LRBA: variants seen among roughly 807,000 people sequenced by gnomAD.
LRBA encodes the protein LPS responsive beige-like anchor protein.
A neutral mutation model predicts 330.0 loss-of-function variants in LRBA; 176 were observed. That is an observed-to-expected ratio of 0.53 (90% CI 0.47 to 0.60). LRBA has a LOEUF of 0.60. Ranked by LOEUF, LRBA falls within the 20% of genes least tolerant of loss-of-function variation. LRBA has a pLI of 0.00. For synonymous variants in LRBA, 1,230 were observed against 1,193.0 expected, an observed-to-expected ratio of 1.03 and a Z score of -0.64; for missense variants, 3,259 against 3,444.8, an observed-to-expected ratio of 0.95 and a Z score of 1.35.
intron 48 of LRBA, among the ~76,000 whole-genome samples, chr4:150,335,490 T>TATATATACGTATATATAC (rs1211916269): frequency 2.7e-5 from 2 of 75,298 alleles, no homozygotes; most frequent in Admixed American, 1.2e-4. Flanking sequence ...TATATGTGTG[T>TATATATACGTATATATAC]GTATATATAT....
chr4:150,501,010 T>C (rs559055977), intron 40 of LRBA, among the ~76,000 whole-genome samples: 15 of 152,310 alleles, frequency 9.8e-5, no homozygotes, highest in East Asian at 1.9e-4. Flanking sequence ...ACTTCCATAA[T>C]AGAGCATGGA....
chr4:150,950,527 A>C (rs543468557), intron 2 of LRBA, among the ~76,000 whole-genome samples: 2 of 152,130 alleles, frequency 1.3e-5, no homozygotes, highest in East Asian at 3.9e-4. Context: ...AGAACACCAA[A>C]ATTTAGGGTA....
At chr4:150,434,017 T>C (rs960058791) in intron 46 of LRBA, among the ~76,000 whole-genome samples, 1 of 152,174 alleles carries the variant, frequency 6.6e-6, no homozygotes, top group South Asian at 2.1e-4. Context: ...GTATCATACC[T>C]AAAAGCAAGA....
intron 37 of LRBA, among the ~76,000 whole-genome samples, chr4:150,655,150 CT>C (rs1468623380): frequency 1.3e-5 from 2 of 152,230 alleles, no homozygotes; most frequent in East Asian, 3.9e-4. Flanking sequence ...GTCAGTTAAA[CT>C]AGTAAAGTCA....
At chr4:150,932,949 T>C (rs184264396) in intron 2 of LRBA, among the ~76,000 whole-genome samples, 2 of 152,028 alleles carry the variant, frequency 1.3e-5, no homozygotes, top group Admixed American at 1.3e-4. Flanking sequence ...AAAATAGCAA[T>C]TTGGTAATAT....
At chr4:150,837,475 A>G (rs1202133089) in intron 28 of LRBA, among the ~76,000 whole-genome samples, 1 of 151,318 alleles carries the variant, frequency 6.6e-6, no homozygotes, top group Non-Finnish European at 1.5e-5. Flanking sequence ...GAACCTGGGT[A>G]CTCCTGTATT....
chr4:150,887,578 C>A (rs1264103080), intron 17 of LRBA, among the ~76,000 whole-genome samples: 2 of 151,898 alleles, frequency 1.3e-5, no homozygotes, highest in African/African-American at 2.4e-5. Context: ...ACCATCCTGG[C>A]TAATACGGTG....
intron 44 of LRBA, among the ~76,000 whole-genome samples, chr4:150,460,830 T>C (rs1446663795): frequency 2.6e-5 from 4 of 151,874 alleles, no homozygotes; most frequent in Non-Finnish European, 5.9e-5. Context: ...TGAGTTGTAA[T>C]TATTAAAAAG....
chr4:150,898,752 A>C (rs1019349745), intron 14 of LRBA, among the ~76,000 whole-genome samples: 6 of 152,118 alleles, frequency 3.9e-5, no homozygotes, highest in Admixed American at 1.3e-4. Context: ...TATAAAAGGC[A>C]GGCGAGAATA....
At position 150,592,144 on chromosome 4, in the gene LRBA, G is replaced by GTTTTTTTTTTTTTTTTTTTTTTTTT. The variant is rs10685627; in HGVS notation, c.6047-1310_6047-1286dup. Among the ~76,000 whole-genome samples the GTTTTTTTTTTTTTTTTTTTTTTTTT allele has an allele frequency of 7.7e-5, 5 of 65,190 alleles. 1 individual carries two copies. Among genetic ancestry groups the GTTTTTTTTTTTTTTTTTTTTTTTTT allele is most frequent in the East Asian group, 6.4e-4 (1 of 1,558 alleles). 42.8% of individuals were successfully genotyped at this position (65,190 alleles called of 152,430 possible). A position where few individuals can be genotyped will look rare whatever the true frequency, so the allele number is the denominator to read the frequency against. ...TTGATATGGAAATCGGATGGCTAGGGTTTTTTTTTTTTTTTTTTTTTTTTT... is the reference window on the plus strand; with the variant it reads ...TTGATATGGAAATCGGATGGCTAGGGTTTTTTTTTTTTTTTTTTTTTTTTTTTTTTTTTTTTTTTTTTTTTTTTTT... On this transcript the variant is annotated intron_variant, in intron 38 of 56. Transcript: ENST00000651943.
chr4:150,468,484 G>A (rs1012448152), intron 43 of LRBA, among the ~76,000 whole-genome samples: 2 of 151,970 alleles, frequency 1.3e-5, no homozygotes, highest in Non-Finnish European at 2.9e-5. Flanking sequence ...AGCAAAAGAG[G>A]AGGTAGTCCT....
intron 17 of LRBA, among the ~76,000 whole-genome samples, chr4:150,884,578 C>T (rs1390290521): frequency 1.3e-5 from 2 of 151,880 alleles, no homozygotes; most frequent in Non-Finnish European, 2.9e-5. Context: ...ACATGGAAAA[C>T]CCTAAGAGTG....
Position 150,622,688 on chromosome 4 carries a change from C to CTTT in LRBA, c.5922-23560_5922-23558dup, listed in dbSNP as rs10528461. Among the ~76,000 whole-genome samples, 24 of 105,642 alleles carry CTTT rather than the reference C, an allele frequency of 2.3e-4. 3 individuals carry two copies. The highest frequency in any genetic ancestry group is 7.1e-4 in the African/African-American group (17 of 24,112). 69.3% of individuals were successfully genotyped at this position (105,642 alleles called of 152,430 possible). ...GAAGACAACAGTCACCTAAATCAAT[C>CTTT]TTTTTTTTTTTTTTTTTTTTTTTTT... is the stretch of plus-strand genomic sequence containing the variant. On this transcript the variant is annotated intron_variant, in intron 37 of 56. Coordinates refer to ENST00000651943, the MANE Select transcript of LRBA (RefSeq NM_001364905.1).
Position 150,755,789 on chromosome 4 carries a change from G to A in LRBA, c.5645+5994C>T, listed in dbSNP as rs1015793783. ...AGGCCAGGCACAGTGGCTCATGCCT[G>A]TAATCCCAGCACTTTGGGAGGCTGA... On this transcript the variant is annotated intron_variant, in intron 35 of 56. Transcript: ENST00000651943. Among the ~76,000 whole-genome samples, 4 of 151,886 alleles carry A rather than the reference G, an allele frequency of 2.6e-5. No individual in the cohort carries two copies. The East Asian group carries it at 7.7e-4, about 29-fold the overall frequency.
At chr4:150,756,220 A>T (rs1274956729) in intron 35 of LRBA, among the ~76,000 whole-genome samples, 1 of 152,156 alleles carries the variant, frequency 6.6e-6, no homozygotes, top group Non-Finnish European at 1.5e-5. Context: ...AATTTCACAA[A>T]ATAATGTCTC....
intron 44 of LRBA, among the ~76,000 whole-genome samples, chr4:150,465,968 T>C (rs1478023895): frequency 1.3e-5 from 2 of 152,050 alleles, no homozygotes; most frequent in Non-Finnish European, 2.9e-5. Flanking sequence ...AAATGTATTA[T>C]AACAAGTATA....
At chr4:150,479,809 T>C (rs1757098246) in intron 42 of LRBA, among the ~76,000 whole-genome samples, 2 of 152,134 alleles carry the variant, frequency 1.3e-5, no homozygotes, top group African/African-American at 2.4e-5. Flanking sequence ...AACACTCCAG[T>C]AACAGATGGA....
chr4:150,459,559 C>T (rs962332262), intron 44 of LRBA, among the ~76,000 whole-genome samples: 3 of 151,886 alleles, frequency 2.0e-5, no homozygotes, highest in Non-Finnish European at 2.9e-5. Flanking sequence ...GACAATAACA[C>T]ATTCCTTACA....
intron 2 of LRBA, among the ~76,000 whole-genome samples, chr4:150,964,788 C>T (rs111347973): frequency 0.02 from 3,055 of 152,002 alleles, 38 homozygotes; most frequent in Non-Finnish European, 0.033. Flanking sequence ...TGCCAAATCC[C>T]CCTCTCTGAG....
Sources: allele counts gnomAD v4.1 joint callset (sites outside exome capture counted in the v4.1 genomes callset), GRCh38; gene constraint gnomAD v4.1.1; transcripts MANE v1.5; gene names NCBI Gene and HGNC (gene_info 2026-07-23, HGNC 2026-07-21).